Variants in CUBN observed in about 807,000 individuals in gnomAD.
The protein encoded by CUBN is 460 kDa receptor.
In CUBN, 282 loss-of-function variants were observed where a neutral mutation model predicts 405.3. The ratio of observed to expected loss-of-function variants is 0.70; its 90% CI spans 0.63 to 0.77. The LOEUF (loss-of-function observed/expected upper bound fraction) is 0.77. Among genes scored for constraint, CUBN ranks in the 30% least tolerant of loss-of-function variants. The probability of loss-of-function intolerance (pLI) is 0.00; values close to 1 mark genes in which losing one functional copy is unlikely to be tolerated. For missense variants in CUBN, 4,514 were observed against 4,475.2 expected (o/e 1.01, Z -0.25); for synonymous variants, 1,684 against 1,617.0 (o/e 1.04, Z -0.99).
At position 17,040,949 on chromosome 10, in the gene CUBN, T is replaced by C; in HGVS notation, c.4017+84A>G. ...GCGTGGGGCAGAGTTAGGGATTTTA[T>C]TCTAAAAAGCATGATGGATTCTAAC... On this transcript the variant is annotated intron_variant, in intron 27 of 66. Transcript: ENST00000377833. The C allele has an allele frequency of 3.0e-6, 4 of 1,353,050 alleles. No homozygotes were observed. In the South Asian group the frequency reaches 4.7e-5, roughly 16 times the overall value. 83.8% of individuals were successfully genotyped at this position (1,353,050 alleles called of 1,614,324 possible). A position where few individuals can be genotyped will look rare whatever the true frequency, so the allele number is the denominator to read the frequency against.
chr10:17,083,376 A>G (rs1836014873), intron 17 of CUBN, among the ~76,000 whole-genome samples: 1 of 152,208 alleles, frequency 6.6e-6, no homozygotes, highest in East Asian at 1.9e-4. Context: ...GTGGTGGCAC[A>G]TGCCTGTAAT....
intron 52 of CUBN, among the ~76,000 whole-genome samples, 196 bp from the exon 53 acceptor site, chr10:16,901,046 G>A (rs895149545): frequency 9.9e-5 from 15 of 151,974 alleles, no homozygotes; most frequent in Admixed American, 9.2e-4. Flanking sequence ...ACATTTCCCT[G>A]GTTTGGGATG....
At chr10:16,985,828 C>T (rs560693444) in intron 29 of CUBN, among the ~76,000 whole-genome samples, 26 of 152,354 alleles carry the variant, frequency 1.7e-4, no homozygotes, top group Admixed American at 1.2e-3. Flanking sequence ...CTTCAGACCA[C>T]GTAGGCTCCT....
chr10:17,057,061 GA>G (rs1349825459), intron 22 of CUBN, among the ~76,000 whole-genome samples: 10 of 152,126 alleles, frequency 6.6e-5, no homozygotes, highest in African/African-American at 2.2e-4. Context: ...GAAAGATGGA[GA>G]AAAGAACTGC....
chr10:17,093,414 A>C (rs1393175864), intron 14 of CUBN, among the ~76,000 whole-genome samples: 1 of 152,172 alleles, frequency 6.6e-6, no homozygotes, highest in African/African-American at 2.4e-5. Flanking sequence ...AACTGAATTG[A>C]AACGTGAGAA....
Position 16,982,218 on chromosome 10 carries a change from A to C in CUBN, c.4695+266T>G, listed in dbSNP as rs2942365. Among the ~76,000 whole-genome samples, 111,494 of 152,032 alleles carry C rather than the reference A, an allele frequency of 0.73. 43,738 individuals carry two copies. Among genetic ancestry groups the C allele is most frequent in the Non-Finnish European group, 0.89 (60,743 of 67,980 alleles). On this transcript the variant is annotated intron_variant, in intron 31 of 66. Transcript: ENST00000377833. Reference sequence around the variant, plus strand: ...AAAACCACTGCAGCCATTTTTTGACAATGAAGTAACAACAAAATGAAAAGC... The same window carrying C: ...AAAACCACTGCAGCCATTTTTTGACCATGAAGTAACAACAAAATGAAAAGC...
intron 36 of CUBN, among the ~76,000 whole-genome samples, chr10:16,946,603 C>T (rs1304547453): frequency 1.3e-5 from 2 of 150,346 alleles, no homozygotes; most frequent in Admixed American, 6.7e-5. Flanking sequence ...TCAGGGCATT[C>T]TCCTGCCTCA....
intron 59 of CUBN, among the ~76,000 whole-genome samples, chr10:16,866,325 C>G (rs1840181737): frequency 6.6e-6 from 1 of 152,122 alleles, no homozygotes; most frequent in Non-Finnish European, 1.5e-5. Context: ...TGGTATGAGA[C>G]CCCCTCAGGA....
intron 54 of CUBN, among the ~76,000 whole-genome samples, chr10:16,897,425 C>T (rs1232813463): frequency 6.6e-6 from 1 of 152,162 alleles, no homozygotes; most frequent in Non-Finnish European, 1.5e-5. Context: ...CCGGGGCTCT[C>T]ACTGGTTCTT....
chr10:16,980,030 A>C (rs1833218075), intron 31 of CUBN, among the ~76,000 whole-genome samples: 1 of 152,370 alleles, frequency 6.6e-6, no homozygotes, highest in Non-Finnish European at 1.5e-5. Context: ...AAAGTGGGCA[A>C]AGGATATGAA....
Position 17,047,526 on chromosome 10 carries a change from C to T in CUBN, c.3217G>A (p.Glu1073Lys), listed in dbSNP as rs1311055745. Residue 1073 changes from glutamate to lysine, a missense_variant, in exon 23 of 67, where the codon GAA becomes AAA. Physicochemically the swap from Glu to Lys is moderately conservative, Grantham distance 56 (BLOSUM62 1). Transcript: ENST00000377833. ...CTCACTGTGATCCGATAAATGCATTCCCAGTTGTTGGGATAATTATTGGGG... is the reference window on the plus strand; with the variant it reads ...CTCACTGTGATCCGATAAATGCATTTCCAGTTGTTGGGATAATTATTGGGG... ...NFPNNYPNNW[E>K]CIYRITVRTG... 12 of 1,613,810 alleles carry T rather than the reference C, an allele frequency of 7.4e-6. No homozygotes were observed. Among genetic ancestry groups the T allele is most frequent in the South Asian group, 1.1e-5 (1 of 91,062 alleles).
At chr10:17,087,475 T>TTTA (rs1226772676) in intron 15 of CUBN, among the ~76,000 whole-genome samples, 27 of 99,154 alleles carry the variant, frequency 2.7e-4, no homozygotes, top group Middle Eastern at 4.9e-3. Flanking sequence ...TCTTTTTCTT[T>TTTA]TTTTTTTTTT....
chr10:16,891,489 A>G (rs944867874), intron 54 of CUBN, among the ~76,000 whole-genome samples: 3 of 152,154 alleles, frequency 2.0e-5, no homozygotes, highest in Non-Finnish European at 4.4e-5. Flanking sequence ...AGGGGGCTGC[A>G]GGACACGTTA....
At chr10:16,980,966 G>A (rs906090777) in intron 31 of CUBN, among the ~76,000 whole-genome samples, 1 of 152,044 alleles carries the variant, frequency 6.6e-6, no homozygotes, top group Non-Finnish European at 1.5e-5. Flanking sequence ...TTTCAGGTAG[G>A]AATGCATTAA....
At chr10:16,851,520 G>T (rs1588586198) in intron 59 of CUBN, 77 bp from the exon 60 acceptor site, 7 of 1,316,282 alleles carry the variant, frequency 5.3e-6, no homozygotes, top group South Asian at 2.4e-5. Context: ...TTTTTAAAAA[G>T]AACATAGTTT....
intron 65 of CUBN, among the ~76,000 whole-genome samples, chr10:16,830,212 A>G (rs1474762329): frequency 6.6e-6 from 1 of 152,152 alleles, no homozygotes; most frequent in Non-Finnish European, 1.5e-5. Context: ...TATAGGTGTG[A>G]GCCACAGCAC....
rs763497843 is a variant in CUBN at position 16,920,042 on chromosome 10, T to G, written c.6742A>C (p.Ile2248Leu). The G allele has an allele frequency of 2.0e-5, 32 of 1,613,860 alleles. 1 individual carries two copies. Among genetic ancestry groups the G allele is most frequent in the South Asian group, 2.0e-4 (18 of 91,058 alleles). Residue 2248 changes from isoleucine (I) to leucine (L), a missense_variant, in exon 44 of 67, where the codon ATT becomes CTT. Coordinates refer to ENST00000377833, the MANE Select transcript of CUBN (RefSeq NM_001081.4). Reference protein sequence around the residue: ...PHNYPPHADCIWILAAPPETR... With the variant: ...PHNYPPHADCLWILAAPPETR... ...TCCGGTGGAGCCGCTAAGATCCAAA[T>G]GCAATCAGCGTGCGGGGGATAATTA...
At chr10:17,068,530 A>T in intron 20 of CUBN, 75 bp downstream of exon 20, 1 of 1,304,982 alleles carries the variant, frequency 7.7e-7, no homozygotes, top group Non-Finnish European at 1.1e-6. Context: ...TGATTTTCAT[A>T]TAATTTATTT....
chr10:16,960,792 G>C (rs1302934259), intron 31 of CUBN, among the ~76,000 whole-genome samples: 1 of 152,136 alleles, frequency 6.6e-6, no homozygotes, highest in Non-Finnish European at 1.5e-5. Flanking sequence ...CAGCTCGGCT[G>C]CTTTCTGGGC....
Sources: allele counts gnomAD v4.1 joint callset (sites outside exome capture counted in the v4.1 genomes callset), GRCh38; gene constraint gnomAD v4.1.1; transcripts MANE v1.5; gene names NCBI Gene and HGNC (gene_info 2026-07-23, HGNC 2026-07-21).